The following CCSER1 variants were observed in gnomAD, a reference collection of about 807,000 sequenced individuals.
CCSER1 encodes serine-rich coiled-coil domain-containing protein 1.
CCSER1 carries 41 observed loss-of-function variants against 82.0 expected under a neutral mutation model. The ratio of observed to expected loss-of-function variants is 0.50; its 90% CI spans 0.39 to 0.65. The LOEUF is 0.65. CCSER1 is among the 30% of genes least tolerant of loss of function. The pLI is 0.00. For synonymous variants in CCSER1, 414 were observed against 383.9 expected, an observed-to-expected ratio of 1.08 and a Z score of -0.92; for missense variants, 1,119 against 1,064.2, an observed-to-expected ratio of 1.05 and a Z score of -0.72.
At chr4:91,213,357 T>C (rs1459458101) in intron 10 of CCSER1, among the ~76,000 whole-genome samples, 1 of 152,168 alleles carries the variant, frequency 6.6e-6, no homozygotes, top group African/African-American at 2.4e-5. Flanking sequence ...ACCTAGAGTC[T>C]ACTTTGGAGC....
At chr4:90,532,674 G>C (rs1774690807) in intron 5 of CCSER1, among the ~76,000 whole-genome samples, 1 of 152,048 alleles carries the variant, frequency 6.6e-6, no homozygotes, top group African/African-American at 2.4e-5. Context: ...CTGCTTCTCA[G>C]TTTCTTTATA....
rs530630664 is a variant in CCSER1 at position 91,022,376 on chromosome 4, A to G, written c.2173-63574A>G. Among the ~76,000 whole-genome samples, 691 of 152,146 alleles carry G rather than the reference A, an allele frequency of 4.5e-3. 3 individuals carry two copies. Among genetic ancestry groups the G allele is most frequent in the Non-Finnish European group, 7.2e-3 (490 of 68,012 alleles). Reference sequence around the variant, plus strand: ...CAGAGTATTCCATGGTGTATGGTGTATATGTGCCACATTTTCTTAATCCAG... The same window carrying G: ...CAGAGTATTCCATGGTGTATGGTGTGTATGTGCCACATTTTCTTAATCCAG... On this transcript the variant is annotated intron_variant, in intron 9 of 10. Coordinates refer to ENST00000509176, the MANE Select transcript of CCSER1 (RefSeq NM_001145065.2).
chr4:90,767,767 A>G (rs1176500762), intron 7 of CCSER1, among the ~76,000 whole-genome samples: 1 of 152,084 alleles, frequency 6.6e-6, no homozygotes, highest in Non-Finnish European at 1.5e-5. Flanking sequence ...TCCAGGGCTC[A>G]AGAAATTCTC....
At chr4:90,241,888 A>G (rs1228416541) in intron 1 of CCSER1, among the ~76,000 whole-genome samples, 2 of 152,250 alleles carry the variant, frequency 1.3e-5, no homozygotes, top group Admixed American at 6.5e-5. Flanking sequence ...TGATTATAGG[A>G]CAAGAAATAT....
intron 10 of CCSER1, among the ~76,000 whole-genome samples, chr4:91,099,822 T>A (rs1460912755): frequency 1.3e-5 from 2 of 152,182 alleles, no homozygotes; most frequent in African/African-American, 2.4e-5. Flanking sequence ...GGTCTTATAG[T>A]GGCTGCTCTT....
intron 10 of CCSER1, among the ~76,000 whole-genome samples, chr4:91,540,495 A>G (rs1431949464): frequency 1.3e-5 from 2 of 152,062 alleles, no homozygotes; most frequent in African/African-American, 2.4e-5. Flanking sequence ...TTTTTTCCGA[A>G]TGTGAGGCTT....
intron 6 of CCSER1, among the ~76,000 whole-genome samples, chr4:90,711,323 T>C (rs1315582552): frequency 6.6e-6 from 1 of 152,150 alleles, no homozygotes; most frequent in East Asian, 1.9e-4. Context: ...ATGCTTTATA[T>C]CTTTCTCTTG....
At chr4:90,770,919 A>G (rs1752001138) in intron 7 of CCSER1, among the ~76,000 whole-genome samples, 1 of 152,182 alleles carries the variant, frequency 6.6e-6, no homozygotes, top group South Asian at 2.1e-4. Context: ...AATAATGCAA[A>G]GGAAATCTAT....
intron 5 of CCSER1, among the ~76,000 whole-genome samples, chr4:90,507,150 C>T (rs1288999795): frequency 3.3e-5 from 5 of 152,124 alleles, no homozygotes; most frequent in African/African-American, 9.7e-5. Context: ...TAGTTTTGTT[C>T]TTAACACTGA....
chr4:90,464,989 G>C (rs576843810), intron 4 of CCSER1, among the ~76,000 whole-genome samples: 2 of 152,140 alleles, frequency 1.3e-5, no homozygotes, highest in Non-Finnish European at 1.5e-5. Flanking sequence ...TTTCGAGACG[G>C]GGTCTCGCCC....
chr4:90,293,321 T>G (rs1302691803), intron 1 of CCSER1, among the ~76,000 whole-genome samples: 1 of 151,686 alleles, frequency 6.6e-6, no homozygotes, highest in Admixed American at 6.6e-5. Context: ...GAAACTCTGA[T>G]TTTTATTATT....
At chr4:90,629,265 A>G (rs1256278553) in intron 6 of CCSER1, among the ~76,000 whole-genome samples, 2 of 152,172 alleles carry the variant, frequency 1.3e-5, no homozygotes, top group East Asian at 1.9e-4. Flanking sequence ...ATGTGTTCTC[A>G]TCAGCTGTTA....
intron 9 of CCSER1, among the ~76,000 whole-genome samples, chr4:90,932,205 T>C (rs1182354851): frequency 6.6e-6 from 1 of 152,148 alleles, no homozygotes; most frequent in Non-Finnish European, 1.5e-5. Context: ...TAGAGAAAAT[T>C]TATACCAAAA....
chr4:91,129,785 C>T (rs1013718247), intron 10 of CCSER1: 2 of 151,982 alleles, frequency 1.3e-5, no homozygotes, highest in African/African-American at 4.8e-5. Flanking sequence ...TCTATCAGCA[C>T]AGTAATATGC....
At chr4:91,116,432 C>G (rs529418818) in intron 10 of CCSER1, among the ~76,000 whole-genome samples, 1 of 152,018 alleles carries the variant, frequency 6.6e-6, no homozygotes, top group Non-Finnish European at 1.5e-5. Flanking sequence ...CCAGAATGCC[C>G]GCGAACAAAT....
At chr4:90,331,022 A>C (rs974463097) in intron 3 of CCSER1, among the ~76,000 whole-genome samples, 1 of 152,064 alleles carries the variant, frequency 6.6e-6, no homozygotes, top group Non-Finnish European at 1.5e-5. Flanking sequence ...TTTGTAAAAC[A>C]ATATAAAATA....
At position 91,543,542 on chromosome 4, in the gene CCSER1, C is replaced by G. The variant is rs191506996; in HGVS notation, c.2218-55030C>G. Among the ~76,000 whole-genome samples the G allele has an allele frequency of 3.0e-4, 45 of 152,126 alleles. No individual in the cohort carries two copies. The East Asian group carries it at 8.3e-3, about 28-fold the overall frequency. ...CATTTGCTTGGCTGTAAAGGATTTT[C>G]TTTCTCTTTCCCTTATGAAGCTTAA... is the stretch of plus-strand genomic sequence containing the variant. On this transcript the variant is annotated intron_variant, in intron 10 of 10. Coordinates refer to ENST00000509176, the MANE Select transcript of CCSER1 (RefSeq NM_001145065.2).
chr4:90,791,930 A>C (rs577561569), intron 7 of CCSER1, among the ~76,000 whole-genome samples: 1 of 152,336 alleles, frequency 6.6e-6, no homozygotes, highest in African/African-American at 2.4e-5. Context: ...TGGGAAACCC[A>C]AAAATTCATC....
chr4:90,956,999 G>A (rs2030242914), intron 9 of CCSER1, among the ~76,000 whole-genome samples: 1 of 133,484 alleles, frequency 7.5e-6, no homozygotes, highest in Non-Finnish European at 1.6e-5. Context: ...GGCTGGTCTT[G>A]AATTCCTGAC....
Sources: allele counts gnomAD v4.1 joint callset (sites outside exome capture counted in the v4.1 genomes callset), GRCh38; gene constraint gnomAD v4.1.1; transcripts MANE v1.5; gene names NCBI Gene and HGNC (gene_info 2026-07-23, HGNC 2026-07-21).